The following TSPAN7 variants were observed in gnomAD, a reference collection of about 807,000 sequenced individuals.
TSPAN7 encodes the protein tetraspanin 7, also known as tetraspanin-7.
Under a neutral mutation model 17.6 loss-of-function variants are expected in TSPAN7, and 1 was observed. The ratio of observed to expected loss-of-function variants is 0.06; its 90% confidence interval spans 0.02 to 0.27. The LOEUF is 0.27. TSPAN7 is among the 10% of genes least tolerant of loss of function. The pLI is 1.00. For missense variants in TSPAN7, 112 were observed against 201.7 expected, an observed-to-expected ratio of 0.56 and a Z score of 2.69; for synonymous variants, 78 against 79.0, an observed-to-expected ratio of 0.99 and a Z score of 0.07.
At chrX:38,674,587 C>T (rs1316286274) in intron 4 of TSPAN7, among the ~76,000 whole-genome samples, 1 of 111,769 alleles carries the variant, frequency 8.9e-6, no homozygotes, top group Admixed American at 9.5e-5. Context: ...CAGATCTGAA[C>T]CCTTGTGAAG....
At chrX:38,596,765 A>G (rs779923514) in intron 1 of TSPAN7, among the ~76,000 whole-genome samples, 1 of 111,615 alleles carries the variant, frequency 9.0e-6, no homozygotes, top group Non-Finnish European at 1.9e-5. Flanking sequence ...AGAAGATGGG[A>G]CATTTGTTTA....
intron 1 of TSPAN7, among the ~76,000 whole-genome samples, chrX:38,635,485 T>A (rs1411873427): frequency 8.9e-6 from 1 of 111,819 alleles, no homozygotes; most frequent in Non-Finnish European, 1.9e-5. Flanking sequence ...CTGAGGAAGA[T>A]GATGTAGGTC....
At chrX:38,640,127 T>C (rs1184208648) in intron 1 of TSPAN7, among the ~76,000 whole-genome samples, 1 of 111,613 alleles carries the variant, frequency 9.0e-6, no homozygotes, top group Non-Finnish European at 1.9e-5. Flanking sequence ...GTTTAAAACA[T>C]GATGGTGTGA....
At chrX:38,582,297 A>G (rs139763450) in intron 1 of TSPAN7, among the ~76,000 whole-genome samples, 3,287 of 112,258 alleles carry the variant, frequency 0.029, 116 homozygotes, top group African/African-American at 0.1. Flanking sequence ...GCCAACATCA[A>G]TGACAATAAT....
At chrX:38,654,581 A>G (rs934365681) in intron 1 of TSPAN7, among the ~76,000 whole-genome samples, 8 of 112,190 alleles carry the variant, frequency 7.1e-5, no homozygotes, top group South Asian at 3.7e-4. Context: ...TCCTTGATGC[A>G]GTGCTAGTGA....
intron 1 of TSPAN7, among the ~76,000 whole-genome samples, chrX:38,597,473 T>G (rs1280142179): frequency 9.0e-6 from 1 of 111,306 alleles, no homozygotes; most frequent in African/African-American, 3.3e-5. Flanking sequence ...AGAGAAAATT[T>G]GTGTATTAGA....
At chrX:38,579,025 T>A (rs1169629298) in intron 1 of TSPAN7, among the ~76,000 whole-genome samples, 1 of 111,796 alleles carries the variant, frequency 8.9e-6, no homozygotes, top group East Asian at 2.8e-4. Context: ...TGTTAACAGC[T>A]GTGGTTGGGT....
intron 5 of TSPAN7, among the ~76,000 whole-genome samples, chrX:38,679,381 T>C (rs755941521): frequency 1.8e-5 from 2 of 112,243 alleles, no homozygotes; most frequent in Admixed American, 1.9e-4. Context: ...GATATAGTAA[T>C]GATGGCCAGC....
intron 6 of TSPAN7, among the ~76,000 whole-genome samples, chrX:38,682,751 T>C (rs2069900878): frequency 8.9e-6 from 1 of 112,091 alleles, no homozygotes. Context: ...TAACTCAGTC[T>C]CCAGAGACAT....
chrX:38,613,134 C>T (rs747992138), intron 1 of TSPAN7, among the ~76,000 whole-genome samples: 5 of 112,222 alleles, frequency 4.5e-5, no homozygotes, highest in East Asian at 5.6e-4. Flanking sequence ...TTCGTCTCTT[C>T]GTATTTGCTC....
At chrX:38,670,652 A>G (rs1053536524) in intron 2 of TSPAN7, among the ~76,000 whole-genome samples, 2 of 112,558 alleles carry the variant, frequency 1.8e-5, no homozygotes, top group Admixed American at 9.4e-5. Context: ...TCTTGGGCCC[A>G]GATGGGAGGG....
chrX:38,645,568 A>G (rs2069639860), intron 1 of TSPAN7, among the ~76,000 whole-genome samples: 1 of 111,976 alleles, frequency 8.9e-6, no homozygotes, highest in East Asian at 2.8e-4. Flanking sequence ...AAAAAAAAGA[A>G]AATGAATGAC....
rs772510155 is a variant in TSPAN7, at chrX:38,671,904, T to A, written c.345+454T>A. Reference sequence around the variant, plus strand: ...TAAAAAATAAAAAAAATAAATTAGCTGGGTGTGGTGGCTTGCTTCTATAGT... The same window carrying A: ...TAAAAAATAAAAAAAATAAATTAGCAGGGTGTGGTGGCTTGCTTCTATAGT... On this transcript the variant is annotated intron_variant, in intron 3 of 7. Transcript: ENST00000378482. 1.8e-4 allele frequency among the ~76,000 whole-genome samples: 20 copies of A among 110,455 alleles called. No individual in the cohort carries two copies. The South Asian group carries it at 7.5e-3, about 41-fold the overall frequency.
At chrX:38,651,194 G>A (rs949570190) in intron 1 of TSPAN7, among the ~76,000 whole-genome samples, 10 of 110,901 alleles carry the variant, frequency 9.0e-5, no homozygotes, top group Non-Finnish European at 1.9e-4. Flanking sequence ...GGCCGGATGC[G>A]GTGGCTCACG....
intron 1 of TSPAN7, among the ~76,000 whole-genome samples, chrX:38,655,729 A>T (rs2069700048): frequency 8.9e-6 from 1 of 111,790 alleles, no homozygotes; most frequent in African/African-American, 3.3e-5. Context: ...ATCAATGCAT[A>T]GCCACATAAA....
At chrX:38,571,335 T>G in intron 1 of TSPAN7, among the ~76,000 whole-genome samples, 1 of 111,396 alleles carries the variant, frequency 9.0e-6, no homozygotes, top group Non-Finnish European at 1.9e-5. Context: ...CCTAAGAGAT[T>G]CTGATTCAAC....
rs767522519 is a variant in TSPAN7 at position 38,666,863 on chromosome X, G to A, written c.270+554G>A. Among the ~76,000 whole-genome samples the A allele has an allele frequency of 3.6e-5, 4 of 111,737 alleles. No individual in the cohort carries two copies. The East Asian group carries it at 8.4e-4, about 24-fold the overall frequency. The stretch of plus-strand genomic sequence containing the variant: ...GATCCACCTGCCTCGGCCTCCCAAA[G>A]TGCTGGGATTACAGGCTTGAGCCAT... On this transcript the variant is annotated intron_variant, in intron 2 of 7. Coordinates refer to ENST00000378482, the MANE Select transcript of TSPAN7 (RefSeq NM_004615.4).
Position 38,613,851 on chromosome X carries a change from C to T in TSPAN7, c.81+52224C>T, listed in dbSNP as rs141005202. 4.9e-3 allele frequency among the ~76,000 whole-genome samples: 540 copies of T among 111,242 alleles called. 1 individual carries two copies. The highest frequency in any genetic ancestry group is 7.8e-3 in the Non-Finnish European group (414 of 53,017). ...TCCCTCTGTGGAATGGAAAGGGGAG[C>T]TAGACATAACAGCTTCTCAGATGCC... On this transcript the variant is annotated intron_variant, in intron 1 of 7. Coordinates refer to ENST00000378482, the MANE Select transcript of TSPAN7 (RefSeq NM_004615.4).
chrX:38,567,122 C>A (rs2069147512), intron 1 of TSPAN7, among the ~76,000 whole-genome samples: 1 of 109,433 alleles, frequency 9.1e-6, no homozygotes, highest in Admixed American at 9.7e-5. Flanking sequence ...AGTTTAGGTA[C>A]TTGGGATATA....
Sources: allele counts gnomAD v4.1 joint callset (sites outside exome capture counted in the v4.1 genomes callset), GRCh38; gene constraint gnomAD v4.1.1; transcripts MANE v1.5; gene names NCBI Gene and HGNC (gene_info 2026-07-23, HGNC 2026-07-21).